Variants in CABIN1 observed in about 807,000 individuals in gnomAD.
CABIN1 encodes calcineurin binding protein 1, also known as calcineurin-binding protein cabin-1.
Under a neutral mutation model 227.7 loss-of-function variants are expected in CABIN1, and 133 were observed. That is an observed-to-expected ratio of 0.58 (90% CI 0.51 to 0.67). The LOEUF is 0.67. Among genes scored for constraint, CABIN1 ranks in the 30% least tolerant of loss-of-function variants. The pLI is 0.00. For missense variants in CABIN1, 2,408 were observed against 2,852.5 expected, an observed-to-expected ratio of 0.84 and a Z score of 3.55; for synonymous variants, 1,086 against 1,155.1, an observed-to-expected ratio of 0.94 and a Z score of 1.21.
chr22:24,063,901 G>A (rs1162912348), intron 14 of CABIN1, 134 bp from the exon 15 acceptor site: 9 of 1,003,774 alleles, frequency 9.0e-6, no homozygotes, highest in Non-Finnish European at 1.3e-5. Flanking sequence ...CCTTTCTTAG[G>A]GGGGTACAGT....
At chr22:24,079,168 T>C (rs934925247) in intron 19 of CABIN1, among the ~76,000 whole-genome samples, 2 of 152,214 alleles carry the variant, frequency 1.3e-5, no homozygotes, top group African/African-American at 4.8e-5. Context: ...CACTGGTTAG[T>C]CGTTATTATT....
chr22:24,176,874 A>G (rs1319856873), intron 35 of CABIN1, among the ~76,000 whole-genome samples: 1 of 152,202 alleles, frequency 6.6e-6, no homozygotes, highest in Non-Finnish European at 1.5e-5. Context: ...CCTGGGGGCC[A>G]GGCATGGGCT....
chr22:24,069,430 CA>C (rs966047976), intron 16 of CABIN1, among the ~76,000 whole-genome samples: 6 of 152,286 alleles, frequency 3.9e-5, no homozygotes, highest in African/African-American at 1.4e-4. Flanking sequence ...TCTCCTCATT[CA>C]TTGGTGTTTA....
chr22:24,150,976 C>T (rs1235238719), intron 29 of CABIN1, among the ~76,000 whole-genome samples: 1 of 152,132 alleles, frequency 6.6e-6, no homozygotes, highest in East Asian at 1.9e-4. Flanking sequence ...TTGGGGGTGA[C>T]TCTGTAGGGC....
intron 19 of CABIN1, among the ~76,000 whole-genome samples, chr22:24,077,750 G>C (rs996058286): frequency 6.6e-6 from 1 of 152,132 alleles, no homozygotes; most frequent in Non-Finnish European, 1.5e-5. Context: ...CCTCCACAAG[G>C]CCATCCTCCT....
At chr22:24,172,087 A>C in intron 34 of CABIN1, 92 bp downstream of exon 34, 1 of 1,444,174 alleles carries the variant, frequency 6.9e-7, no homozygotes, top group Non-Finnish European at 9.4e-7. Context: ...TAAGGGAGGC[A>C]AGCAGTGCCC....
At chr22:24,042,526 A>G (rs1362833007) in intron 5 of CABIN1, among the ~76,000 whole-genome samples, 1 of 152,160 alleles carries the variant, frequency 6.6e-6, no homozygotes, top group Non-Finnish European at 1.5e-5. Flanking sequence ...GGATGCAGTG[A>G]GCTATGATCA....
intron 12 of CABIN1, among the ~76,000 whole-genome samples, chr22:24,061,271 C>T (rs2039171992): frequency 6.6e-6 from 1 of 152,248 alleles, no homozygotes; most frequent in South Asian, 2.1e-4. Flanking sequence ...TGGCCCCTTA[C>T]TCCTGTTGGA....
chr22:24,140,324 A>G (rs965743208), intron 29 of CABIN1, among the ~76,000 whole-genome samples: 2 of 152,196 alleles, frequency 1.3e-5, no homozygotes, highest in Non-Finnish European at 2.9e-5. Flanking sequence ...GTGGTTGAAC[A>G]TGAGGAGGAG....
chr22:24,059,489 G>A, intron 11 of CABIN1, 126 bp downstream of exon 11: 2 of 1,161,306 alleles, frequency 1.7e-6, no homozygotes, highest in Admixed American at 2.0e-5. Context: ...GAGTCTGCCT[G>A]GATTAGTCTT....
Position 24,177,623 on chromosome 22 carries a change from G to C in CABIN1, c.6325G>C (p.Ala2109Pro). ...ASSKAPSSGS[A>P]QPPEGHPGKP... ...CTCCAAGGCCCCCAGCAGTGGGAGT[G>C]CCCAGCCACCAGAGGGTCACCCAGG... The change falls in exon 36 of 37, where the codon GCC (alanine) becomes CCC (proline). Residue 2109 changes from alanine (A) to proline (P), a missense_variant. By Grantham distance (27) the Ala-to-Pro change is conservative. Transcript: ENST00000263119. The surrounding 1 kb of genome is among the most constrained non-coding windows in gnomAD (Gnocchi z 4.4). The C allele has an allele frequency of 6.2e-7, 1 of 1,613,240 alleles. No homozygotes were observed. The highest frequency in any genetic ancestry group is 8.5e-7 in the Non-Finnish European group (1 of 1,179,658).
intron 23 of CABIN1, among the ~76,000 whole-genome samples, chr22:24,090,548 TGTCTAACAGAGCACTGG>T (rs916970983): frequency 2.8e-5 from 4 of 144,524 alleles, no homozygotes; most frequent in African/African-American, 1.0e-4. Context: ...TCCTGAGAAG[TGTCTAACAGAGCACTGG>T]GTAGCACATT....
At chr22:24,176,489 G>A (rs1385422824) in intron 35 of CABIN1, among the ~76,000 whole-genome samples, 1 of 152,192 alleles carries the variant, frequency 6.6e-6, no homozygotes, top group African/African-American at 2.4e-5. Flanking sequence ...ATTGTGTCAG[G>A]GGCTGGGTAG....
chr22:24,063,601 C>CT (rs2039360111), intron 14 of CABIN1, among the ~76,000 whole-genome samples: 1 of 152,304 alleles, frequency 6.6e-6, no homozygotes, highest in East Asian at 1.9e-4. Context: ...GATGGATTGG[C>CT]TGTTACCTAG....
At chr22:24,117,518 TC>T (rs1168082486) in intron 27 of CABIN1, among the ~76,000 whole-genome samples, 1 of 147,552 alleles carries the variant, frequency 6.8e-6, no homozygotes, top group Non-Finnish European at 1.5e-5. Flanking sequence ...GGTTCTTGTT[TC>T]TCAGGGGTTT....
chr22:24,151,755 C>T (rs1280687007), intron 29 of CABIN1, among the ~76,000 whole-genome samples: 2 of 152,204 alleles, frequency 1.3e-5, no homozygotes, highest in African/African-American at 4.8e-5. Context: ...ACCCCTCTCT[C>T]TCCACAAAGG....
Position 24,078,557 on chromosome 22 carries a change from C to G in CABIN1, c.2748+2273C>G, listed in dbSNP as rs373097720. On this transcript the variant is annotated intron_variant, in intron 19 of 36. Coordinates refer to ENST00000263119, the MANE Select transcript of CABIN1 (RefSeq NM_012295.4). ...AATGGAAATGTTCTCTGAGAGAAAT[C>G]CTCTTGAGTCTCTTCTTTTCTTGAG... Among the ~76,000 whole-genome samples the G allele has an allele frequency of 6.0e-4, 91 of 152,256 alleles. 1 individual carries two copies. The South Asian group carries it at 0.018, about 30-fold the overall frequency.
intron 28 of CABIN1, among the ~76,000 whole-genome samples, chr22:24,123,538 A>C (rs2043543268): frequency 6.6e-6 from 1 of 152,154 alleles, no homozygotes; most frequent in East Asian, 1.9e-4. Context: ...ACCAAATTGA[A>C]TGCAGGTTGT....
chr22:24,107,283 G>T (rs1020265350), intron 26 of CABIN1, among the ~76,000 whole-genome samples: 1 of 152,192 alleles, frequency 6.6e-6, no homozygotes, highest in African/African-American at 2.4e-5. Flanking sequence ...TAGGTACCTT[G>T]ATTACCCCTT....
Sources: gnomAD v4.1 joint callset for allele counts (sites outside exome capture counted in the v4.1 genomes callset) on GRCh38, gnomAD v4.1.1 for gene constraint, Gnocchi (gnomAD v3.1) non-coding constraint, MANE v1.5 for transcripts, NCBI Gene and HGNC (gene_info 2026-07-23, HGNC 2026-07-21) for gene names.